The following GANAB variants were observed in gnomAD, a reference collection of about 807,000 sequenced individuals.
GANAB encodes the protein neutral alpha-glucosidase AB.
In GANAB, 35 loss-of-function variants were observed where a neutral mutation model predicts 129.9. The observed-to-expected ratio is 0.27, with a 90% CI of 0.21 to 0.36. The LOEUF (loss-of-function observed/expected upper bound fraction) is 0.36, where lower values mean the gene tolerates loss of function less well. Ranked by LOEUF, GANAB falls within the 10% of genes least tolerant of loss-of-function variation. The probability of loss-of-function intolerance (pLI) is 1.00; values close to 1 mark genes in which losing one functional copy is unlikely to be tolerated. For missense variants in GANAB, 939 were observed against 1,221.0 expected (o/e 0.77, Z 3.44); for synonymous variants, 482 against 451.8 (o/e 1.07, Z -0.85).
rs1943318862 is a variant in GANAB at position 62,625,389 on chromosome 11, G to A, written c.*426C>T. On this transcript the variant is annotated 3_prime_UTR_variant, in exon 24 of 24. Transcript: ENST00000356638. ...GGTGGGAGAGCAATCTGGTGGGAGG[G>A]AAGGGGAAAAGGAGCCCTAACTCAT... 9.3e-6 allele frequency: 4 copies of A among 429,440 alleles called. No individual in the cohort carries two copies. Among genetic ancestry groups the A allele is most frequent in the East Asian group, 7.0e-5 (1 of 14,372 alleles). The allele number at this position is 429,440 out of a possible 1,614,324, so 26.6% of individuals were successfully genotyped here.
chr11:62,640,343 C>G lies in GANAB; in HGVS notation c.39-612G>C, dbSNP rs534160181. On this transcript the variant is annotated intron_variant, in intron 1 of 23. Transcript: ENST00000356638. ...GGTCAGGAGATCGAGACCATCCTGG[C>G]TAACACAGTGAAACCCCGTCTCTAC... Among the ~76,000 whole-genome samples the G allele has an allele frequency of 2.1e-5, 3 of 144,878 alleles. No individual in the cohort carries two copies. The South Asian group carries it at 6.7e-4, about 32-fold the overall frequency.
At chr11:62,634,404 G>T (rs575897273) in intron 5 of GANAB, 3 of 1,435,090 alleles carry the variant, frequency 2.1e-6, no homozygotes, top group Non-Finnish European at 2.9e-6. Context: ...GGTAGGGAAG[G>T]GGAAAAAGAG....
intron 5 of GANAB, chr11:62,634,183 T>C (rs1447244455): frequency 2.9e-6 from 2 of 688,396 alleles, no homozygotes; most frequent in East Asian, 5.2e-5. Context: ...GGACCAGACA[T>C]CACACAGCAG....
At chr11:62,637,946 A>T (rs1225515320) in intron 4 of GANAB, among the ~76,000 whole-genome samples, 1 of 152,068 alleles carries the variant, frequency 6.6e-6, no homozygotes. Flanking sequence ...CACATGCACT[A>T]AGACACTTCC....
chr11:62,646,473 A>G, intron 1 of GANAB, 89 bp downstream of exon 1: 1 of 1,421,388 alleles, frequency 7.0e-7, no homozygotes, highest in East Asian at 2.3e-5. Flanking sequence ...GGGGTGGCAG[A>G]GTGTCAAGAG....
At position 62,632,636 on chromosome 11, in the gene GANAB, G is replaced by A. The variant is rs1063445; in HGVS notation, c.925C>T (p.Arg309Cys). The stretch of plus-strand genomic sequence containing the variant: ...TTGAGCCAGAAGATGCCCAAGTCGC[G>A]ATGAGGGTTGTGTGCCAGGAGCACA... ...VPVLLAHNPH[R>C]DLGIFWLNAA... is the part of the protein sequence containing the mutation. Residue 309 changes from arginine to cysteine, a missense_variant, in exon 9 of 24, where the codon CGC (arginine) becomes TGC (cysteine). Arg to Cys is a radical substitution (Grantham distance 180). Around this residue, in one of 5 missense-constraint regions of GANAB, gnomAD observed 220 missense variants for 295.9 expected, o/e 0.74. Coordinates refer to ENST00000356638, the MANE Select transcript of GANAB (RefSeq NM_198334.3). 6.8e-3 allele frequency: 10,917 copies of A among 1,613,914 alleles called. 49 individuals carry two copies. The highest frequency in any genetic ancestry group is 0.018 in the Middle Eastern group (112 of 6,058).
At chr11:62,639,333 C>A (rs528369334) in intron 3 of GANAB, 26 bp downstream of exon 3, 1 of 1,484,578 alleles carries the variant, frequency 6.7e-7, no homozygotes, top group African/African-American at 1.4e-5. Flanking sequence ...CCCACCCCCA[C>A]CAGACTCTTC....
chr11:62,638,624 AAGGAAGGAAGGAAGGAAGGAAG>A (rs1177248896), intron 4 of GANAB, among the ~76,000 whole-genome samples: 7 of 150,522 alleles, frequency 4.7e-5, no homozygotes, highest in Non-Finnish European at 7.4e-5. Context: ...GGAAGGAAGG[AAGGAAGGAAGGAAGGAAGGAAG>A]CAAGCAAACA....
intron 4 of GANAB, among the ~76,000 whole-genome samples, 183 bp from the exon 5 acceptor site, chr11:62,635,183 T>A (rs1490887709): frequency 6.8e-6 from 1 of 147,918 alleles, no homozygotes; most frequent in African/African-American, 2.7e-5. Flanking sequence ...TATTTATTAC[T>A]TTTTTCTTTT....
chr11:62,636,015 T>C (rs1565103235), intron 4 of GANAB, among the ~76,000 whole-genome samples: 1 of 151,818 alleles, frequency 6.6e-6, no homozygotes, highest in Admixed American at 6.6e-5. Flanking sequence ...TTTCTTAAGA[T>C]AGTCTCACTC....
intron 4 of GANAB, among the ~76,000 whole-genome samples, chr11:62,636,829 T>G (rs1314368628): frequency 6.6e-6 from 1 of 152,036 alleles, no homozygotes; most frequent in African/African-American, 2.4e-5. Flanking sequence ...AGGCTGATGC[T>G]GAAGAAAGAA....
chr11:62,633,281 A>G lies in GANAB; in HGVS notation c.631-10T>C. 2 of 1,606,584 alleles carry G rather than the reference A, an allele frequency of 1.2e-6. No individual in the cohort carries two copies. Among genetic ancestry groups the G allele is most frequent in the African/African-American group, 1.3e-5 (1 of 74,872 alleles). ...CCTGAGTCTCCTCTGGCTGTTAAGA[A>G]GAAAAGAGGACCACTCTCCAATCAT... On this transcript the variant is annotated splice_polypyrimidine_tract_variant and intron_variant, in intron 6 of 23. Coordinates refer to ENST00000356638, the MANE Select transcript of GANAB (RefSeq NM_198334.3).
At position 62,625,576 on chromosome 11, in the gene GANAB, G is replaced by A. The variant is rs1943328779; in HGVS notation, c.*239C>T. On this transcript the variant is annotated 3_prime_UTR_variant, in exon 24 of 24. Coordinates refer to ENST00000356638, the MANE Select transcript of GANAB (RefSeq NM_198334.3). ...TGAATGTGCTCCAGTTAGAGCAACA[G>A]GATGTTGGGGGAATGAAGGGAAAGA... 1.8e-6 allele frequency: 1 copy of A among 549,702 alleles called. No individual in the cohort carries two copies. Among genetic ancestry groups the A allele is most frequent in the East Asian group, 3.1e-5 (1 of 32,024 alleles). The allele number at this position is 549,702 out of a possible 1,614,324, so 34.1% of individuals were successfully genotyped here. A position where few individuals can be genotyped will look rare whatever the true frequency, so the allele number is the denominator to read the frequency against.
At chr11:62,635,418 G>A (rs542602386) in intron 4 of GANAB, among the ~76,000 whole-genome samples, 1 of 152,094 alleles carries the variant, frequency 6.6e-6, no homozygotes, top group South Asian at 2.1e-4. Flanking sequence ...GACCTCAGGT[G>A]ATCCACCCAC....
chr11:62,632,329 A>G (rs1459029892), intron 9 of GANAB, among the ~76,000 whole-genome samples: 1 of 152,186 alleles, frequency 6.6e-6, no homozygotes, highest in East Asian at 1.9e-4. Context: ...AAGAGTACCT[A>G]GCACGTAACA....
chr11:62,643,212 C>T (rs1590827223), intron 1 of GANAB, among the ~76,000 whole-genome samples: 2 of 152,314 alleles, frequency 1.3e-5, no homozygotes, highest in Admixed American at 6.5e-5. Context: ...ATTTTAATGT[C>T]TGTTAAGAAT....
At position 62,628,881 on chromosome 11, in the gene GANAB, G is replaced by T. The variant is rs777031105; in HGVS notation, c.2068C>A (p.Pro690Thr). 2 of 1,614,136 alleles carry T rather than the reference G, an allele frequency of 1.2e-6. No individual in the cohort carries two copies. Among genetic ancestry groups the T allele is most frequent in the African/African-American group, 1.3e-5 (1 of 75,030 alleles). ...DTGRREPWLL[P>T]SQHNDIIRDA... ...CGGATTATATCATTGTGCTGAGATG[G>T]TAACAGCCATGGCTCTCGTCGCCCA... The change falls in exon 17 of 24, where the codon CCA becomes ACA. Residue 690 changes from proline (P) to threonine (T), a missense_variant. This residue lies in a region of GANAB where 147 missense variants were observed against 282.4 expected (regional missense o/e 0.52). Coordinates refer to ENST00000356638, the MANE Select transcript of GANAB (RefSeq NM_198334.3).
chr11:62,632,172 C>T (rs1199346938), intron 9 of GANAB, among the ~76,000 whole-genome samples: 1 of 151,970 alleles, frequency 6.6e-6, no homozygotes, highest in Non-Finnish European at 1.5e-5. Context: ...TGAGGTTTCG[C>T]CATGTTGGCC....
intron 1 of GANAB, among the ~76,000 whole-genome samples, chr11:62,645,170 C>T (rs996673073): frequency 3.3e-5 from 5 of 152,116 alleles, no homozygotes; most frequent in African/African-American, 1.2e-4. Flanking sequence ...CAGTGAGTGA[C>T]CTGAGTGACT....
Sources: gnomAD v4.1 joint callset for allele counts (sites outside exome capture counted in the v4.1 genomes callset) on GRCh38, gnomAD v4.1.1 for gene constraint, gnomAD v4.1.1 regional missense constraint, MANE v1.5 for transcripts, NCBI Gene and HGNC (gene_info 2026-07-23, HGNC 2026-07-21) for gene names.